The following NCOA1 variants were observed in gnomAD, a reference collection of about 807,000 sequenced individuals.
The protein encoded by NCOA1 is nuclear receptor coactivator 1.
Under a neutral mutation model 150.9 loss-of-function variants are expected in NCOA1, and 35 were observed. The ratio of observed to expected loss-of-function variants is 0.23; its 90% CI spans 0.18 to 0.31. The LOEUF (loss-of-function observed/expected upper bound fraction) is 0.31, where lower values mean the gene tolerates loss of function less well. Among genes scored for constraint, NCOA1 ranks in the 10% least tolerant of loss-of-function variants. NCOA1 has a pLI of 1.00. For missense variants in NCOA1, 1,491 were observed against 1,749.3 expected (o/e 0.85, Z 2.63); for synonymous variants, 590 against 630.0 (o/e 0.94, Z 0.95).
At chr2:24,717,799 G>T (rs1674123615) in intron 14 of NCOA1, among the ~76,000 whole-genome samples, 2 of 151,868 alleles carry the variant, frequency 1.3e-5, no homozygotes, top group African/African-American at 2.4e-5. Context: ...TAATGCAATA[G>T]TAGGAAAAAC....
rs193183480 is a variant in NCOA1, at chr2:24,715,415, A to C, written c.2599+4304A>C. Among the ~76,000 whole-genome samples the C allele has an allele frequency of 7.4e-3, 1,128 of 152,324 alleles. 13 individuals carry two copies. The highest frequency in any genetic ancestry group is 0.025 in the African/African-American group (1,057 of 41,558). On this transcript the variant is annotated intron_variant, in intron 14 of 22. Transcript: ENST00000348332. ...ACAATACTCTTTTCTACAAAATAGT[A>C]TAATATTTGAGGCTAGAGGCTAAAG...
rs538573172 is a variant in NCOA1, at chr2:24,716,001, G to A, written c.2599+4890G>A. ...ACTAAAAAAATACAAAAAATTAGCC[G>A]GGCGTGGTGGCAGGTGCCTGTAGTC... is the stretch of plus-strand genomic sequence containing the variant. On this transcript the variant is annotated intron_variant, in intron 14 of 22. Transcript: ENST00000348332. 1.6e-4 allele frequency among the ~76,000 whole-genome samples: 25 copies of A among 152,056 alleles called. No individual in the cohort carries two copies. In the South Asian group the frequency reaches 2.9e-3, roughly 18 times the overall value.
intron 1 of NCOA1, among the ~76,000 whole-genome samples, chr2:24,502,912 G>A (rs1445822146): frequency 6.6e-6 from 1 of 152,012 alleles, no homozygotes; most frequent in Admixed American, 6.6e-5. Context: ...TTATTCGCTT[G>A]GTACTTTATA....
At chr2:24,576,149 G>GTTTGTTTTTTTTTTTTTTTTTTTTTTTT (rs1666947335) in intron 2 of NCOA1, among the ~76,000 whole-genome samples, 1 of 94,026 alleles carries the variant, frequency 1.1e-5, no homozygotes, top group Non-Finnish European at 2.0e-5. Flanking sequence ...TTTGGCCTTT[G>GTTTGTTTTTTTTTTTTTTTTTTTTTTTT]TTTTTTTTTT....
chr2:24,493,629 T>G (rs1457453598), intron 1 of NCOA1, among the ~76,000 whole-genome samples: 1 of 152,096 alleles, frequency 6.6e-6, no homozygotes, highest in African/African-American at 2.4e-5. Flanking sequence ...TTGATGGAGC[T>G]AATGGTGATT....
At chr2:24,715,918 G>A (rs746514787) in intron 14 of NCOA1, among the ~76,000 whole-genome samples, 24 of 152,068 alleles carry the variant, frequency 1.6e-4, no homozygotes, top group African/African-American at 3.9e-4. Flanking sequence ...CGAGGCAGGC[G>A]GATCACAAGG....
intron 1 of NCOA1, among the ~76,000 whole-genome samples, chr2:24,533,111 G>C (rs1457489996): frequency 6.6e-6 from 1 of 152,080 alleles, no homozygotes. Flanking sequence ...ATTTGTTTGT[G>C]TCCTCTTTTA....
In NCOA1 at chr2:24,754,447, T is replaced by C. The variant is rs551833568; in HGVS notation, c.3881+2291T>C. ...CCTTCTGCTCCTCAGATGTGCGAAGTACACTGCAAACTCAGGATGTTTGCA... is the reference window on the plus strand; with the variant it reads ...CCTTCTGCTCCTCAGATGTGCGAAGCACACTGCAAACTCAGGATGTTTGCA... On this transcript the variant is annotated intron_variant, in intron 20 of 22. Transcript: ENST00000348332. Among the ~76,000 whole-genome samples the C allele has an allele frequency of 9.2e-5, 14 of 152,288 alleles. No homozygotes were observed. In the South Asian group the frequency reaches 2.5e-3, roughly 27 times the overall value.
At chr2:24,625,008 G>T (rs1669342775) in intron 3 of NCOA1, among the ~76,000 whole-genome samples, 1 of 152,188 alleles carries the variant, frequency 6.6e-6, no homozygotes, top group South Asian at 2.1e-4. Context: ...ATAAACAAAT[G>T]AGTGTGAGTG....
chr2:24,565,948 G>C (rs1171146506), intron 2 of NCOA1, among the ~76,000 whole-genome samples: 1 of 152,146 alleles, frequency 6.6e-6, no homozygotes, highest in Non-Finnish European at 1.5e-5. Flanking sequence ...CTCCAAAGAG[G>C]GTGTCACTGC....
At chr2:24,576,483 TCA>T (rs1347526327) in intron 2 of NCOA1, among the ~76,000 whole-genome samples, 1 of 152,180 alleles carries the variant, frequency 6.6e-6, no homozygotes, top group African/African-American at 2.4e-5. Flanking sequence ...AATGTAGGAC[TCA>T]CATCATTTTT....
At position 24,742,128 on chromosome 2, in the gene NCOA1, G is replaced by T; in HGVS notation, c.3648G>T (p.Gln1216His). Residue 1216 changes from glutamine to histidine, a missense_variant, in exon 19 of 23, where the codon CAG (glutamine) becomes CAT (histidine). Gln to His is a conservative substitution (Grantham distance 24, BLOSUM62 0). This residue lies in a region of NCOA1 where 485 missense variants were observed against 522.8 expected (regional missense o/e 0.93). Coordinates refer to ENST00000348332, the MANE Select transcript of NCOA1 (RefSeq NM_003743.5). ...GCATGACAGGAAACATAGGAGGACAGTTTGGCACTGGAATCAATCCTCAGA... is the reference window on the plus strand; with the variant it reads ...GCATGACAGGAAACATAGGAGGACATTTTGGCACTGGAATCAATCCTCAGA... ...SRGMTGNIGGQFGTGINPQMQ... is the reference protein window; with the variant it reads ...SRGMTGNIGGHFGTGINPQMQ... 3 of 1,614,098 alleles carry T rather than the reference G, an allele frequency of 1.9e-6. No individual in the cohort carries two copies. Among genetic ancestry groups the T allele is most frequent in the Non-Finnish European group, 2.5e-6 (3 of 1,179,966 alleles).
intron 3 of NCOA1, among the ~76,000 whole-genome samples, chr2:24,605,639 A>G (rs561940510): frequency 1.3e-5 from 2 of 152,268 alleles, no homozygotes; most frequent in East Asian, 3.9e-4. Flanking sequence ...GATAATGCCA[A>G]ATTATTTTCC....
rs566083071 is a variant in NCOA1, at chr2:24,600,198, T to C, written c.-175+15638T>C. 3.9e-5 allele frequency among the ~76,000 whole-genome samples: 6 copies of C among 152,306 alleles called. No individual in the cohort carries two copies. In the East Asian group the frequency reaches 1.2e-3, roughly 29 times the overall value. ...TTGGGAGCAGCATTGCGATTATGTT[T>C]TTTTGTTGTTGTTGTTGTTTTTGAG... On this transcript the variant is annotated intron_variant, in intron 3 of 22. Transcript: ENST00000348332.
chr2:24,681,904 CG>C (rs1282271068), intron 7 of NCOA1, among the ~76,000 whole-genome samples: 1 of 151,978 alleles, frequency 6.6e-6, no homozygotes, highest in African/African-American at 2.4e-5. Context: ...TTAGTAGAGA[CG>C]GGGTTTCACC....
At chr2:24,507,772 A>C (rs1384590705) in intron 1 of NCOA1, among the ~76,000 whole-genome samples, 1 of 152,152 alleles carries the variant, frequency 6.6e-6, no homozygotes, top group Non-Finnish European at 1.5e-5. Context: ...GGGAACTCAA[A>C]GTCAAATGTG....
chr2:24,710,789 A>T, intron 13 of NCOA1, 142 bp from the exon 14 acceptor site: 1 of 784,916 alleles, frequency 1.3e-6, no homozygotes, highest in South Asian at 1.8e-5. Context: ...AAGTAGCCCC[A>T]ATCATTCTAA....
intron 1 of NCOA1, among the ~76,000 whole-genome samples, chr2:24,499,369 A>G (rs994416752): frequency 2.0e-5 from 3 of 152,226 alleles, no homozygotes; most frequent in Non-Finnish European, 4.4e-5. Context: ...TTAAATATAT[A>G]GATGAATTTT....
intron 4 of NCOA1, among the ~76,000 whole-genome samples, chr2:24,648,249 T>C (rs1670561551): frequency 1.3e-5 from 2 of 151,772 alleles, no homozygotes; most frequent in Admixed American, 1.3e-4. Flanking sequence ...TTTCTATAAA[T>C]GTGGTCAGTG....
Sources: gnomAD v4.1 joint callset for allele counts (sites outside exome capture counted in the v4.1 genomes callset) on GRCh38, gnomAD v4.1.1 for gene constraint, gnomAD v4.1.1 regional missense constraint, MANE v1.5 for transcripts, NCBI Gene and HGNC (gene_info 2026-07-23, HGNC 2026-07-21) for gene names.